Variants in KCTD8 observed in about 807,000 individuals in gnomAD.
The protein encoded by KCTD8 is potassium channel tetramerization domain containing 8.
KCTD8 carries 27 observed loss-of-function variants against 31.5 expected under a neutral mutation model. The ratio of observed to expected loss-of-function variants is 0.86; its 90% CI spans 0.63 to 1.18. The LOEUF (loss-of-function observed/expected upper bound fraction) is 1.18. KCTD8 is among the 50% of genes most tolerant of loss of function. KCTD8 has a pLI of 0.00. For missense variants in KCTD8, 658 were observed against 647.7 expected, an observed-to-expected ratio of 1.02 and a Z score of -0.17; for synonymous variants, 290 against 280.0, an observed-to-expected ratio of 1.04 and a Z score of -0.36.
intron 1 of KCTD8, among the ~76,000 whole-genome samples, chr4:44,394,853 C>T (rs73247529): frequency 0.15 from 22,699 of 152,074 alleles, 1,885 homozygotes; most frequent in Non-Finnish European, 0.19. Flanking sequence ...AACATTTTCT[C>T]ACATCACAAA....
intron 1 of KCTD8, among the ~76,000 whole-genome samples, chr4:44,349,060 T>TCGCTGC (rs1719120979): frequency 6.9e-6 from 1 of 144,222 alleles, no homozygotes; most frequent in African/African-American, 2.6e-5. Context: ...AGCACCACCA[T>TCGCTGC]CGCTGCCACC....
At chr4:44,231,844 CA>C (rs1418980939) in intron 1 of KCTD8, among the ~76,000 whole-genome samples, 3 of 151,972 alleles carry the variant, frequency 2.0e-5, no homozygotes, top group African/African-American at 7.2e-5. Flanking sequence ...GATGGAATAA[CA>C]GGCTTTTATC....
chr4:44,213,663 A>T (rs1245174342), intron 1 of KCTD8, among the ~76,000 whole-genome samples: 1 of 152,186 alleles, frequency 6.6e-6, no homozygotes, highest in Non-Finnish European at 1.5e-5. Flanking sequence ...TAAGGGCAAC[A>T]TACCTACTCT....
At chr4:44,329,130 C>T (rs920044560) in intron 1 of KCTD8, among the ~76,000 whole-genome samples, 5 of 150,286 alleles carry the variant, frequency 3.3e-5, no homozygotes, top group African/African-American at 9.8e-5. Context: ...AAAGAGTTAA[C>T]GGGTTTCAAT....
chr4:44,263,357 TG>T (rs1422609024), intron 1 of KCTD8, among the ~76,000 whole-genome samples: 1 of 152,080 alleles, frequency 6.6e-6, no homozygotes, highest in African/African-American at 2.4e-5. Flanking sequence ...GGAACACCAA[TG>T]TTGTCATGAC....
chr4:44,429,110 T>C (rs1721412080), intron 1 of KCTD8, among the ~76,000 whole-genome samples: 1 of 151,670 alleles, frequency 6.6e-6, no homozygotes, highest in African/African-American at 2.4e-5. Flanking sequence ...TAGAGAATTA[T>C]GAACCTACAA....
At chr4:44,408,700 C>T (rs866592485) in intron 1 of KCTD8, among the ~76,000 whole-genome samples, 18 of 152,094 alleles carry the variant, frequency 1.2e-4, no homozygotes, top group African/African-American at 3.6e-4. Context: ...CACACTGCAA[C>T]CTCTGACTCC....
intron 1 of KCTD8, among the ~76,000 whole-genome samples, chr4:44,414,551 G>T (rs982505851): frequency 6.6e-6 from 1 of 152,082 alleles, no homozygotes; most frequent in Non-Finnish European, 1.5e-5. Flanking sequence ...ACAAAAACTG[G>T]GTGGCCCCTG....
intron 1 of KCTD8, among the ~76,000 whole-genome samples, chr4:44,221,257 G>A (rs891439941): frequency 6.6e-6 from 1 of 152,132 alleles, no homozygotes; most frequent in Middle Eastern, 3.4e-3. Flanking sequence ...CATTGCAGGA[G>A]GAATGATGGG....
At position 44,418,454 on chromosome 4, in the gene KCTD8, A is replaced by C. The variant is rs555113259; in HGVS notation, c.961+29109T>G. 1.3e-4 allele frequency among the ~76,000 whole-genome samples: 17 copies of C among 129,124 alleles called. No individual in the cohort carries two copies. The South Asian group carries it at 4.5e-3, about 34-fold the overall frequency. The allele number at this position is 129,124 out of a possible 152,430, so 84.7% of individuals were successfully genotyped here. On this transcript the variant is annotated intron_variant, in intron 1 of 1. Transcript: ENST00000360029. ...TCTTTCTAACCAATTATAACTTATC[A>C]CAGAGGTTTTTATAGTCTTTTGTTT...
At chr4:44,224,273 T>C (rs1232585912) in intron 1 of KCTD8, among the ~76,000 whole-genome samples, 1 of 152,228 alleles carries the variant, frequency 6.6e-6, no homozygotes, top group Non-Finnish European at 1.5e-5. Context: ...TAACTGCTTA[T>C]TTCAAGTTAC....
chr4:44,346,628 C>T (rs1324229519), intron 1 of KCTD8, among the ~76,000 whole-genome samples: 1 of 152,088 alleles, frequency 6.6e-6, no homozygotes, highest in African/African-American at 2.4e-5. Flanking sequence ...ATACAAATGT[C>T]ACCCACCTCT....
chr4:44,220,405 T>C (rs1314759551), intron 1 of KCTD8, among the ~76,000 whole-genome samples: 1 of 152,216 alleles, frequency 6.6e-6, no homozygotes, highest in Non-Finnish European at 1.5e-5. Flanking sequence ...AGTTCACCAA[T>C]ATTTGATGAG....
intron 1 of KCTD8, among the ~76,000 whole-genome samples, chr4:44,279,814 A>T (rs1207625914): frequency 6.6e-6 from 1 of 152,102 alleles, no homozygotes; most frequent in African/African-American, 2.4e-5. Flanking sequence ...ACATATATAT[A>T]CATGCTTTTC....
chr4:44,395,279 T>C (rs1720471968), intron 1 of KCTD8, among the ~76,000 whole-genome samples: 2 of 152,014 alleles, frequency 1.3e-5, no homozygotes, highest in African/African-American at 4.8e-5. Flanking sequence ...CACAGGAGAA[T>C]AGAAAATTCC....
At chr4:44,386,579 C>A (rs1720216285) in intron 1 of KCTD8, among the ~76,000 whole-genome samples, 1 of 151,212 alleles carries the variant, frequency 6.6e-6, no homozygotes, top group Non-Finnish European at 1.5e-5. Context: ...AATGGCATAT[C>A]CAAAAGACAG....
At chr4:44,236,496 C>T (rs946780014) in intron 1 of KCTD8, among the ~76,000 whole-genome samples, 1 of 151,996 alleles carries the variant, frequency 6.6e-6, no homozygotes, top group Non-Finnish European at 1.5e-5. Flanking sequence ...TATTCCCATT[C>T]TGTTTAGGTC....
Position 44,448,183 on chromosome 4 carries a change from C to T in KCTD8, c.341G>A (p.Arg114Gln), listed in dbSNP as rs1363571367. The T allele has an allele frequency of 6.2e-7, 1 of 1,612,414 alleles. No individual in the cohort carries two copies. The highest frequency in any genetic ancestry group is 8.5e-7 in the Non-Finnish European group (1 of 1,179,688). Reference sequence around the variant, plus strand: ...CTCCGGCAGCGCGAGTTGCTTGTCCCGCAGATAATCCAGCACGTACCTGAA... The same window carrying T: ...CTCCGGCAGCGCGAGTTGCTTGTCCTGCAGATAATCCAGCACGTACCTGAA... ...FLFRYVLDYL[R>Q]DKQLALPEHF... is the part of the protein sequence containing the mutation. The change falls in exon 1 of 2, where the codon CGG becomes CAG. Residue 114 changes from arginine (R) to glutamine (Q), a missense_variant. Coordinates refer to ENST00000360029, the MANE Select transcript of KCTD8 (RefSeq NM_198353.3). The surrounding 1 kb of genome is among the most constrained non-coding windows in gnomAD (Gnocchi z 4.1).
chr4:44,354,812 C>T (rs1272000892), intron 1 of KCTD8, among the ~76,000 whole-genome samples: 1 of 151,942 alleles, frequency 6.6e-6, no homozygotes, highest in Admixed American at 6.6e-5. Context: ...GTATAAATTC[C>T]CCAAGGAAGA....
Sources: gnomAD v4.1 joint callset for allele counts (sites outside exome capture counted in the v4.1 genomes callset) on GRCh38, gnomAD v4.1.1 for gene constraint, Gnocchi (gnomAD v3.1) non-coding constraint, MANE v1.5 for transcripts, NCBI Gene and HGNC (gene_info 2026-07-23, HGNC 2026-07-21) for gene names.